The following TAFA5 variants were observed in gnomAD, a reference collection of about 807,000 sequenced individuals.
TAFA5 encodes the protein chemokine-like protein TAFA-5.
TAFA5 carries 6 observed loss-of-function variants against 15.3 expected under a neutral mutation model. The ratio of observed to expected loss-of-function variants is 0.39; its 90% CI spans 0.21 to 0.77. TAFA5 has a LOEUF of 0.77. Among genes scored for constraint, TAFA5 ranks in the 30% least tolerant of loss-of-function variants. The pLI is 0.41. For synonymous variants in TAFA5, 103 were observed against 80.7 expected, an observed-to-expected ratio of 1.28 and a Z score of -1.48; for missense variants, 161 against 193.1, an observed-to-expected ratio of 0.83 and a Z score of 0.98.
At position 48,720,200 on chromosome 22, in the gene TAFA5, T is replaced by G. The variant is rs147194536; in HGVS notation, c.390+12356T>G. ...TGGTGCCCCCTACTGGTCAGAAAGT[T>G]ACGTTACGTTGGGTCAGGGTGAGGA... On this transcript the variant is annotated intron_variant, in intron 3 of 3. Coordinates refer to ENST00000402357, the MANE Select transcript of TAFA5 (RefSeq NM_001082967.3). 3.3e-5 allele frequency among the ~76,000 whole-genome samples: 5 copies of G among 152,210 alleles called. No individual in the cohort carries two copies. In the East Asian group the frequency reaches 9.7e-4, roughly 29 times the overall value.
chr22:48,540,843 T>C (rs2147118839), intron 1 of TAFA5, among the ~76,000 whole-genome samples: 1 of 150,328 alleles, frequency 6.7e-6, no homozygotes, highest in East Asian at 2.0e-4. Context: ...TTTGTTTTTG[T>C]GTTTGCCTGT....
chr22:48,584,911 C>T (rs1924281429), intron 1 of TAFA5, among the ~76,000 whole-genome samples: 1 of 149,846 alleles, frequency 6.7e-6, no homozygotes, highest in African/African-American at 2.5e-5. Context: ...CACACACACA[C>T]ACCACACACA....
At chr22:48,659,554 C>T (rs984864387) in intron 2 of TAFA5, among the ~76,000 whole-genome samples, 3 of 152,238 alleles carry the variant, frequency 2.0e-5, no homozygotes, top group African/African-American at 7.2e-5. Flanking sequence ...GGGAGCCCTT[C>T]CGGGAGGAGG....
At chr22:48,637,318 GCACA>G (rs1926486034) in intron 1 of TAFA5, among the ~76,000 whole-genome samples, 1 of 122,552 alleles carries the variant, frequency 8.2e-6, no homozygotes, top group Non-Finnish European at 1.7e-5. Flanking sequence ...GGTGGCATGT[GCACA>G]CATGTGCACA....
intron 2 of TAFA5, among the ~76,000 whole-genome samples, chr22:48,677,026 C>A (rs79037168): frequency 0.029 from 4,426 of 152,300 alleles, 225 homozygotes; most frequent in African/African-American, 0.1. Flanking sequence ...GGAGGACGCC[C>A]CTGCCTGGCA....
At chr22:48,621,835 G>C (rs920544981) in intron 1 of TAFA5, among the ~76,000 whole-genome samples, 1 of 152,178 alleles carries the variant, frequency 6.6e-6, no homozygotes. Context: ...TCTCAGTGTC[G>C]CTGGGGATGG....
chr22:48,578,101 C>G (rs1240733539), intron 1 of TAFA5, among the ~76,000 whole-genome samples: 1 of 152,246 alleles, frequency 6.6e-6, no homozygotes, highest in Non-Finnish European at 1.5e-5. Context: ...TGTGTTCGCG[C>G]TGCAAGTTCT....
chr22:48,598,394 G>A lies in TAFA5; in HGVS notation c.113-48203G>A, dbSNP rs1302102782. Among the ~76,000 whole-genome samples, 1 of 152,200 alleles carries A rather than the reference G, an allele frequency of 6.6e-6. No individual in the cohort carries two copies. The highest frequency in any genetic ancestry group is 1.5e-5 in the Non-Finnish European group (1 of 68,028). On this transcript the variant is annotated intron_variant, in intron 1 of 3. Transcript: ENST00000402357. The surrounding 1 kb of genome is among the most constrained non-coding windows in gnomAD (Gnocchi z 4.0). The stretch of plus-strand genomic sequence containing the variant: ...ACCCATCACTTGGAGGTTATTTCCA[G>A]GGGGCAGTGGTGAGGGGCTGGCGCT...
intron 1 of TAFA5, among the ~76,000 whole-genome samples, chr22:48,639,792 C>A (rs1926607307): frequency 6.6e-6 from 1 of 152,104 alleles, no homozygotes; most frequent in East Asian, 1.9e-4. Context: ...CCCACCTCTA[C>A]TCAGTCCACA....
At chr22:48,722,006 G>A (rs921245629) in intron 3 of TAFA5, among the ~76,000 whole-genome samples, 1 of 152,122 alleles carries the variant, frequency 6.6e-6, no homozygotes, top group African/African-American at 2.4e-5. Context: ...ACATACGTGT[G>A]TGTGTGTCTT....
At chr22:48,674,549 C>T (rs1927907266) in intron 2 of TAFA5, among the ~76,000 whole-genome samples, 1 of 152,168 alleles carries the variant, frequency 6.6e-6, no homozygotes, top group African/African-American at 2.4e-5. Flanking sequence ...ATTTGCAAAC[C>T]ACGCTTTTGT....
chr22:48,638,097 G>A (rs1053481384), intron 1 of TAFA5, among the ~76,000 whole-genome samples: 3 of 152,098 alleles, frequency 2.0e-5, no homozygotes, highest in African/African-American at 4.8e-5. Flanking sequence ...CGGGTATCGG[G>A]GGCTCAGGGA....
intron 2 of TAFA5, among the ~76,000 whole-genome samples, chr22:48,699,116 A>G (rs1928822016): frequency 6.6e-6 from 1 of 151,910 alleles, no homozygotes; most frequent in Non-Finnish European, 1.5e-5. Context: ...TATTTTTAGT[A>G]GAGACGGGGT....
At chr22:48,581,898 G>A (rs1024187143) in intron 1 of TAFA5, among the ~76,000 whole-genome samples, 14 of 152,118 alleles carry the variant, frequency 9.2e-5, no homozygotes, top group Non-Finnish European at 4.4e-5. Flanking sequence ...CCTTATTTAC[G>A]CAGAGACACA....
intron 1 of TAFA5, among the ~76,000 whole-genome samples, chr22:48,518,328 C>A (rs941954855): frequency 1.3e-5 from 2 of 152,190 alleles, no homozygotes; most frequent in Non-Finnish European, 2.9e-5. Context: ...CGCTCTGCCC[C>A]CCAGAATCCA....
intron 2 of TAFA5, among the ~76,000 whole-genome samples, chr22:48,657,935 A>C (rs1218372331): frequency 3.9e-5 from 6 of 151,976 alleles, no homozygotes; most frequent in Non-Finnish European, 7.4e-5. Context: ...TAAAGTGTCC[A>C]CTACACCCTG....
rs2147131789 is a variant in TAFA5 at position 48,560,221 on chromosome 22, G to A, written c.112+70517G>A. On this transcript the variant is annotated intron_variant, in intron 1 of 3. Coordinates refer to ENST00000402357, the MANE Select transcript of TAFA5 (RefSeq NM_001082967.3). The surrounding 1 kb of genome is among the most constrained non-coding windows in gnomAD (Gnocchi z 4.2). ...CCTGTCAGTTTCTGGGCGGGGGTGT[G>A]ATGTGGCTGAGGCGTCTGTCCCTGT... Among the ~76,000 whole-genome samples, 2 of 152,378 alleles carry A rather than the reference G, an allele frequency of 1.3e-5. No individual in the cohort carries two copies. The highest frequency in any genetic ancestry group is 3.4e-3 in the Middle Eastern group (1 of 294).
At chr22:48,624,591 G>C (rs1368996380) in intron 1 of TAFA5, among the ~76,000 whole-genome samples, 1 of 152,122 alleles carries the variant, frequency 6.6e-6, no homozygotes, top group Non-Finnish European at 1.5e-5. Context: ...TATTTACCGG[G>C]TTGCCAGGTA....
At chr22:48,561,585 C>G (rs1349658900) in intron 1 of TAFA5, among the ~76,000 whole-genome samples, 1 of 152,192 alleles carries the variant, frequency 6.6e-6, no homozygotes, top group Non-Finnish European at 1.5e-5. Context: ...ACAGTGGCTT[C>G]TGGGTTGGCA....
Sources: allele counts gnomAD v4.1 joint callset (sites outside exome capture counted in the v4.1 genomes callset), GRCh38; gene constraint gnomAD v4.1.1; non-coding constraint Gnocchi (gnomAD v3.1); transcripts MANE v1.5; gene names NCBI Gene and HGNC (gene_info 2026-07-23, HGNC 2026-07-21).